Variants in MARK3 observed in about 807,000 individuals in gnomAD.
MARK3 encodes the protein microtubule affinity regulating kinase 3, also known as MAP/microtubule affinity-regulating kinase 3.
A neutral mutation model predicts 90.1 loss-of-function variants in MARK3; 46 were observed. That is an observed-to-expected ratio of 0.51 (90% CI 0.40 to 0.65). The LOEUF (loss-of-function observed/expected upper bound fraction) is 0.65. Among genes scored for constraint, MARK3 ranks in the 30% least tolerant of loss-of-function variants. The probability of loss-of-function intolerance (pLI) is 0.00; values close to 1 mark genes in which losing one functional copy is unlikely to be tolerated. For missense variants in MARK3, 818 were observed against 947.2 expected (o/e 0.86, Z 1.79); for synonymous variants, 321 against 332.6 (o/e 0.97, Z 0.38).
At position 103,385,558 on chromosome 14, in the gene MARK3, C is replaced by T. The variant is rs1229709242; in HGVS notation, c.-472C>T. ...CGCAGCCCGCTCCATGGTCGGCGCC[C>T]ACAGCCCGCGGCGGCCTGTCTTGCG... On this transcript the variant is annotated 5_prime_UTR_variant, in exon 1 of 18. Transcript: ENST00000429436. The T allele has an allele frequency of 1.3e-5, 2 of 154,290 alleles. No homozygotes were observed. Among genetic ancestry groups the T allele is most frequent in the African/African-American group, 2.4e-5 (1 of 41,436 alleles). 9.6% of individuals were successfully genotyped at this position (154,290 alleles called of 1,614,324 possible). A position where few individuals can be genotyped will look rare whatever the true frequency, so the allele number is the denominator to read the frequency against.
intron 1 of MARK3, among the ~76,000 whole-genome samples, chr14:103,387,290 A>G (rs1193273630): frequency 6.6e-6 from 1 of 152,208 alleles, no homozygotes; most frequent in Non-Finnish European, 1.5e-5. Flanking sequence ...AGCCTAAAGC[A>G]TCCCTGTAGC....
intron 1 of MARK3, among the ~76,000 whole-genome samples, chr14:103,396,039 T>G (rs922539961): frequency 3.3e-5 from 5 of 152,220 alleles, no homozygotes. Flanking sequence ...GAAAGATCTG[T>G]GGCTTTCTGC....
At chr14:103,420,106 A>T (rs552746311) in intron 2 of MARK3, among the ~76,000 whole-genome samples, 2 of 152,312 alleles carry the variant, frequency 1.3e-5, no homozygotes, top group African/African-American at 4.8e-5. Flanking sequence ...TATATAACTA[A>T]AAAGCATAAA....
Position 103,491,817 on chromosome 14 carries a change from A to G in MARK3, c.1627A>G (p.Ser543Gly), listed in dbSNP as rs1478450846. 1.2e-6 allele frequency: 2 copies of G among 1,614,182 alleles called. No homozygotes were observed. Among genetic ancestry groups the G allele is most frequent in the Non-Finnish European group, 1.7e-6 (2 of 1,180,028 alleles). Residue 543 changes from serine to glycine, a missense_variant, in exon 15 of 18, where the codon AGT becomes GGT. Ser to Gly is a moderately conservative substitution (Grantham distance 56). Transcript: ENST00000429436. ...GAGAACTCCAGTTGCTTCAACACAC[A>G]GTATCAGTAGTGCAGCCACCCCAGA... is the stretch of plus-strand genomic sequence containing the variant. ...DQRTPVASTH[S>G]ISSAATPDRI...
chr14:103,410,187 C>G (rs866367668), intron 2 of MARK3, among the ~76,000 whole-genome samples: 1 of 152,048 alleles, frequency 6.6e-6, no homozygotes, highest in African/African-American at 2.4e-5. Context: ...TTATTTCTTA[C>G]AATTGTGGAG....
At chr14:103,475,593 G>A (rs542302432) in intron 13 of MARK3, among the ~76,000 whole-genome samples, 1 of 152,306 alleles carries the variant, frequency 6.6e-6, no homozygotes, top group East Asian at 1.9e-4. Context: ...GACAAATGCT[G>A]TGTTGTCATG....
rs1327614981 is a variant in MARK3, at chr14:103,492,005, T to C, written c.1815T>C (p.Phe605=). ...QTRSRGSTNL[F]SKLTSKLTRR... is the part of the protein sequence containing the mutation. ...GAAGCCGAGGCTCCACTAATCTCTT[T>C]AGTAAATTAACTTCAAAACTCACAA... Residue 605 remains phenylalanine, a synonymous_variant, in exon 15 of 18, where the codon TTT becomes TTC. Coordinates refer to ENST00000429436, the MANE Select transcript of MARK3 (RefSeq NM_001128918.3). The C allele has an allele frequency of 1.2e-6, 2 of 1,614,202 alleles. No homozygotes were observed. Among genetic ancestry groups the C allele is most frequent in the Non-Finnish European group, 1.7e-6 (2 of 1,180,032 alleles).
chr14:103,448,974 T>C lies in MARK3; in HGVS notation c.346+7T>C, dbSNP rs1287462365. 6.4e-7 allele frequency: 1 copy of C among 1,565,486 alleles called. No homozygotes were observed. The highest frequency in any genetic ancestry group is 8.7e-7 in the Non-Finnish European group (1 of 1,150,750). On this transcript the variant is annotated splice_region_variant and intron_variant, in intron 4 of 17. Coordinates refer to ENST00000429436, the MANE Select transcript of MARK3 (RefSeq NM_001128918.3). ...TTAAATCATCCCAATATAGGTACTTTCTGCTTTTTTAAATATTTTGGGGTC... is the reference window on the plus strand; with the variant it reads ...TTAAATCATCCCAATATAGGTACTTCCTGCTTTTTTAAATATTTTGGGGTC...
rs59913493 is a variant in MARK3 at position 103,403,326 on chromosome 14, T to TTGTGTGTGTG, written c.52-1712_52-1703dup. Among the ~76,000 whole-genome samples the TTGTGTGTGTG allele has an allele frequency of 9.4e-4, 130 of 138,542 alleles. 2 individuals carry two copies. The highest frequency in any genetic ancestry group is 7.5e-4 in the Non-Finnish European group (48 of 63,678). The allele number at this position is 138,542 out of a possible 152,430, so 90.9% of individuals were successfully genotyped here. A position where few individuals can be genotyped will look rare whatever the true frequency, so the allele number is the denominator to read the frequency against. On this transcript the variant is annotated intron_variant, in intron 1 of 17. Transcript: ENST00000429436. ...TTACCACACCTTAAATAGTGCCTGG[T>TTGTGTGTGTG]TGTGTGTGTGTGTGTGTGTGTGTGT...
chr14:103,466,183 T>A, intron 9 of MARK3, 92 bp downstream of exon 9: 7 of 1,481,222 alleles, frequency 4.7e-6, no homozygotes, highest in Non-Finnish European at 6.4e-6. Context: ...ACTGGATATA[T>A]CCTGCGGCTT....
chr14:103,442,009 T>A (rs2092868630), intron 3 of MARK3, among the ~76,000 whole-genome samples: 1 of 152,172 alleles, frequency 6.6e-6, no homozygotes, highest in Non-Finnish European at 1.5e-5. Flanking sequence ...ACTTTATCAC[T>A]TAACTCTCTT....
intron 15 of MARK3, among the ~76,000 whole-genome samples, chr14:103,492,526 C>T (rs1481443261): frequency 6.6e-6 from 1 of 152,098 alleles, no homozygotes; most frequent in Non-Finnish European, 1.5e-5. Flanking sequence ...CTCTCTCAGT[C>T]TTAGTAATTT....
intron 3 of MARK3, among the ~76,000 whole-genome samples, chr14:103,428,776 T>G (rs995609625): frequency 6.6e-5 from 10 of 152,194 alleles, no homozygotes; most frequent in African/African-American, 2.4e-4. Context: ...AAAAATATTT[T>G]CATGTAATTG....
At chr14:103,428,041 C>A (rs1465619767) in intron 2 of MARK3, among the ~76,000 whole-genome samples, 1 of 152,112 alleles carries the variant, frequency 6.6e-6, no homozygotes, top group African/African-American at 2.4e-5. Context: ...TGACATATTT[C>A]CCCCCTCCCT....
At chr14:103,432,092 A>G (rs999276484) in intron 3 of MARK3, among the ~76,000 whole-genome samples, 2 of 151,536 alleles carry the variant, frequency 1.3e-5, no homozygotes, top group Non-Finnish European at 2.9e-5. Context: ...ATTAGCTGCT[A>G]TGTAAATTAG....
intron 2 of MARK3, among the ~76,000 whole-genome samples, chr14:103,424,779 C>A (rs944824502): frequency 1.3e-5 from 2 of 151,992 alleles, no homozygotes; most frequent in Non-Finnish European, 2.9e-5. Flanking sequence ...CTAGGTATAC[C>A]ATGTAAAATT....
chr14:103,389,594 TTTTG>T (rs34957047), intron 1 of MARK3, among the ~76,000 whole-genome samples: 143,236 of 143,266 alleles, frequency 1, 71,603 homozygotes, highest in Middle Eastern at 1. Context: ...ACTAATTTGT[TTTTG>T]TTTGTTTGAT....
chr14:103,474,995 G>C lies in MARK3; in HGVS notation c.1267G>C (p.Gly423Arg), dbSNP rs1191538655. The C allele has an allele frequency of 6.2e-7, 1 of 1,608,818 alleles. No homozygotes were observed. The highest frequency in any genetic ancestry group is 1.1e-5 in the South Asian group (1 of 90,968). Residue 423 changes from glycine to arginine, a missense_variant and splice_region_variant, in exon 13 of 18, where the codon GGA (glycine) becomes CGA (arginine). By Grantham distance (125) the Gly-to-Arg change is moderately radical (BLOSUM62 -2). Transcript: ENST00000429436. Reference sequence around the variant, plus strand: ...AAAAAATGAACTCTTTATTTTAGCTGGACCAGCTATTCCTTCTGTTGTGGC... The same window carrying C: ...AAAAAATGAACTCTTTATTTTAGCTCGACCAGCTATTCCTTCTGTTGTGGC... ...QKQRRYSDHA[G>R]PAIPSVVAYP... is the part of the protein sequence containing the mutation.
intron 3 of MARK3, among the ~76,000 whole-genome samples, chr14:103,439,907 C>T (rs903267441): frequency 1.3e-5 from 2 of 151,906 alleles, no homozygotes; most frequent in African/African-American, 4.8e-5. Context: ...GCCTCAGCTT[C>T]CAAAGTATCT....
Sources: gnomAD v4.1 joint callset for allele counts (sites outside exome capture counted in the v4.1 genomes callset) on GRCh38, gnomAD v4.1.1 for gene constraint, MANE v1.5 for transcripts, NCBI Gene and HGNC (gene_info 2026-07-23, HGNC 2026-07-21) for gene names.